The following GSTO1 variants were observed in gnomAD, a reference collection of about 807,000 sequenced individuals.
GSTO1 encodes glutathione S-transferase omega 1.
Under a neutral mutation model 23.8 loss-of-function variants are expected in GSTO1, and 27 were observed. The ratio of observed to expected loss-of-function variants is 1.13; its 90% confidence interval spans 0.83 to 1.56. GSTO1 has a LOEUF of 1.56. Among genes scored for constraint, GSTO1 ranks in the 40% most tolerant of loss-of-function variants. GSTO1 has a pLI of 0.00. For missense variants in GSTO1, 255 were observed against 285.8 expected, an observed-to-expected ratio of 0.89 and a Z score of 0.78; for synonymous variants, 105 against 109.3, an observed-to-expected ratio of 0.96 and a Z score of 0.25.
rs573790578 is a variant in GSTO1, at chr10:104,265,520, G to A, written c.466-564G>A. ...ACATTGCCAAGTACAATTGCTGGGT[G>A]ATGAGTATGCATACTCTTAAAACAT... On this transcript the variant is annotated intron_variant, in intron 4 of 5. Coordinates refer to ENST00000369713, the MANE Select transcript of GSTO1 (RefSeq NM_004832.3). Among the ~76,000 whole-genome samples, 6 of 152,348 alleles carry A rather than the reference G, an allele frequency of 3.9e-5. No homozygotes were observed. In the South Asian group the frequency reaches 1.2e-3, roughly 32 times the overall value.
At chr10:104,255,728 C>A (rs2091600125) in intron 2 of GSTO1, among the ~76,000 whole-genome samples, 1 of 152,186 alleles carries the variant, frequency 6.6e-6, no homozygotes, top group Non-Finnish European at 1.5e-5. Flanking sequence ...AGAGTTTAGA[C>A]CCTGACCCTC....
At chr10:104,261,925 C>T (rs779498553) in intron 3 of GSTO1, among the ~76,000 whole-genome samples, 5 of 152,182 alleles carry the variant, frequency 3.3e-5, no homozygotes, top group Non-Finnish European at 5.9e-5. Flanking sequence ...TTTAGGTAGT[C>T]GGTCCCTTTT....
chr10:104,265,078 T>C (rs1184212299), intron 4 of GSTO1, among the ~76,000 whole-genome samples: 5 of 152,202 alleles, frequency 3.3e-5, no homozygotes, highest in African/African-American at 1.2e-4. Context: ...GAATTTAAAT[T>C]GAACCATCAT....
intron 2 of GSTO1, among the ~76,000 whole-genome samples, chr10:104,257,983 T>C (rs1016541283): frequency 3.9e-5 from 6 of 152,238 alleles, no homozygotes; most frequent in African/African-American, 1.2e-4. Context: ...TTTATTACTA[T>C]GAACAGATAC....
intron 2 of GSTO1, among the ~76,000 whole-genome samples, chr10:104,256,056 G>T (rs561564592): frequency 6.6e-6 from 1 of 152,296 alleles, no homozygotes; most frequent in South Asian, 2.1e-4. Flanking sequence ...TTTTCTGTCT[G>T]TGTGCTTAGT....
intron 2 of GSTO1, among the ~76,000 whole-genome samples, chr10:104,258,969 C>T (rs1478427281): frequency 6.6e-6 from 1 of 152,200 alleles, no homozygotes; most frequent in African/African-American, 2.4e-5. Context: ...TAACCTCACA[C>T]TTGTCAAGAT....
chr10:104,263,761 C>T (rs574249498), intron 4 of GSTO1, among the ~76,000 whole-genome samples: 1 of 152,122 alleles, frequency 6.6e-6, no homozygotes, highest in South Asian at 2.1e-4. Flanking sequence ...ACCTTTTTTT[C>T]ATTATAAAGT....
At chr10:104,255,122 C>T in intron 1 of GSTO1, 41 bp from the exon 2 acceptor site, 2 of 1,522,362 alleles carry the variant, frequency 1.3e-6, no homozygotes, top group Non-Finnish European at 9.1e-7. Flanking sequence ...GGGGTCTCGA[C>T]ACCTCTCTGG....
intron 1 of GSTO1, 98 bp downstream of exon 1, chr10:104,255,060 C>A: frequency 6.9e-7 from 1 of 1,440,046 alleles, no homozygotes; most frequent in Admixed American, 1.9e-5. Flanking sequence ...AGCGCCCCAC[C>A]GGCGGGGAAC....
upstream of GSTO1, chr10:104,254,608 C>A: frequency 2.2e-6 from 1 of 457,158 alleles, no homozygotes; most frequent in Non-Finnish European, 4.0e-6. Flanking sequence ...GGGTCAGGGT[C>A]AGACGTGGAG....
At chr10:104,261,584 A>G (rs1257573770) in intron 3 of GSTO1, among the ~76,000 whole-genome samples, 1 of 152,254 alleles carries the variant, frequency 6.6e-6, no homozygotes, top group Admixed American at 6.5e-5. Context: ...AAATTTTTAG[A>G]GGAGCAAGAA....
At chr10:104,263,248 TC>T (rs2011153766) in intron 4 of GSTO1, among the ~76,000 whole-genome samples, 171 bp downstream of exon 4, 1 of 152,224 alleles carries the variant, frequency 6.6e-6, no homozygotes, top group Admixed American at 6.5e-5. Flanking sequence ...CAGAAAGCTG[TC>T]CTGCTTAAGA....
chr10:104,254,834 G>A, upstream of GSTO1: 2 of 1,248,214 alleles, frequency 1.6e-6, no homozygotes, highest in Non-Finnish European at 2.3e-6. Flanking sequence ...GAGCTAAGGA[G>A]GAAGCGGGGG....
rs560168668 is a variant in GSTO1, at chr10:104,267,269, C to T, written c.590C>T (p.Pro197Leu). The change falls in exon 6 of 6, where the codon CCA becomes CTA. Residue 197 changes from proline (P) to leucine (L), a missense_variant. Physicochemically the swap from Pro to Leu is moderately conservative, Grantham distance 98 (BLOSUM62 -3). Coordinates refer to ENST00000369713, the MANE Select transcript of GSTO1 (RefSeq NM_004832.3). Reference protein sequence around the residue: ...MKLNECVDHTPKLKLWMAAMK... With the variant: ...MKLNECVDHTLKLKLWMAAMK... ...TCCCACAGGTGTGTAGACCACACTC[C>T]AAAACTGAAACTGTGGATGGCAGCC... 2 of 1,612,940 alleles carry T rather than the reference C, an allele frequency of 1.2e-6. No individual in the cohort carries two copies. Among genetic ancestry groups the T allele is most frequent in the South Asian group, 2.2e-5 (2 of 90,982 alleles).
chr10:104,264,563 A>G (rs1045244265), intron 4 of GSTO1, among the ~76,000 whole-genome samples: 1 of 152,222 alleles, frequency 6.6e-6, no homozygotes, highest in African/African-American at 2.4e-5. Context: ...GAAACATACA[A>G]TTTGTGTTTT....
rs754766394 is a variant in GSTO1 at position 104,266,033 on chromosome 10, GTC to G, written c.466-49_466-48del. ...TATTTCCCTTCAGCATTTCTAGTGA[GTC>G]TTACTACATGCACAAGTAAGAAATA... On this transcript the variant is annotated intron_variant, in intron 4 of 5. Coordinates refer to ENST00000369713, the MANE Select transcript of GSTO1 (RefSeq NM_004832.3). 1.1e-5 allele frequency: 10 copies of G among 949,906 alleles called. No individual in the cohort carries two copies. The South Asian group carries it at 1.3e-4, about 12-fold the overall frequency. The allele number at this position is 949,906 out of a possible 1,614,324, so 58.8% of individuals were successfully genotyped here.
chr10:104,259,797 A>C lies in GSTO1; in HGVS notation c.365A>C (p.Lys122Thr), dbSNP rs1307980105. 1 of 1,598,744 alleles carries C rather than the reference A, an allele frequency of 6.3e-7. No individual in the cohort carries two copies. Among genetic ancestry groups the C allele is most frequent in the Non-Finnish European group, 8.6e-7 (1 of 1,167,766 alleles). Residue 122 changes from lysine to threonine, a missense_variant and splice_region_variant, in exon 3 of 6, where the codon AAG (lysine) becomes ACG (threonine). Physicochemically the swap from Lys to Thr is moderately conservative, Grantham distance 78. Transcript: ENST00000369713. ...AAGATGATCTTAGAGTTGTTTTCTA[A>C]GGTTTGTGCATAAGAAATTTCAGCT... ...CQKMILELFS[K>T]VPSLVGSFIR...
intron 2 of GSTO1, among the ~76,000 whole-genome samples, chr10:104,258,211 G>A (rs951342227): frequency 3.3e-5 from 5 of 152,204 alleles, no homozygotes; most frequent in Admixed American, 3.3e-4. Flanking sequence ...GCAGGCAGAG[G>A]AGGCAGAGGA....
chr10:104,260,721 T>TAA (rs1248845905), intron 3 of GSTO1, among the ~76,000 whole-genome samples: 1 of 152,182 alleles, frequency 6.6e-6, no homozygotes, highest in African/African-American at 2.4e-5. Context: ...GGTCAGTATA[T>TAA]AAAGGATTAT....
Sources: allele counts gnomAD v4.1 joint callset (sites outside exome capture counted in the v4.1 genomes callset), GRCh38; gene constraint gnomAD v4.1.1; transcripts MANE v1.5; gene names NCBI Gene and HGNC (gene_info 2026-07-23, HGNC 2026-07-21).